Variants in CYP2J2 observed in about 807,000 individuals in gnomAD.
CYP2J2 encodes the protein cytochrome P450 family 2 subfamily J member 2, also known as cytochrome P450 2J2.
A neutral mutation model predicts 48.8 loss-of-function variants in CYP2J2; 41 were observed. That is an observed-to-expected ratio of 0.84 (90% confidence interval 0.66 to 1.09). The LOEUF (loss-of-function observed/expected upper bound fraction) is 1.09. Among genes scored for constraint, CYP2J2 ranks in the 50% least tolerant of loss-of-function variants. The pLI, the probability that CYP2J2 is intolerant of heterozygous loss-of-function variation, is 0.00. For missense variants in CYP2J2, 644 were observed against 617.3 expected, an observed-to-expected ratio of 1.04 and a Z score of -0.46; for synonymous variants, 221 against 227.1, an observed-to-expected ratio of 0.97 and a Z score of 0.24.
At chr1:59,968,242 A>G in the CYP2J2 span, among the ~76,000 whole-genome samples, 1 of 152,168 alleles carries the variant, frequency 6.6e-6, no homozygotes, top group Non-Finnish European at 1.5e-5. Context: ...ACAAGAGATG[A>G]GATTATTTGA....
the CYP2J2 span, among the ~76,000 whole-genome samples, chr1:59,951,597 A>G: frequency 6.6e-6 from 1 of 152,188 alleles, no homozygotes. Flanking sequence ...AGACCAGTAC[A>G]TAGTAGTAAT....
the CYP2J2 span, among the ~76,000 whole-genome samples, chr1:59,944,191 A>G: frequency 3.3e-5 from 5 of 152,174 alleles, no homozygotes; most frequent in African/African-American, 7.2e-5. Context: ...CTAAAGTTAT[A>G]AACAATGCTT....
At chr1:59,903,398 G>T (rs969622970) in intron 7 of CYP2J2, among the ~76,000 whole-genome samples, 1 of 152,182 alleles carries the variant, frequency 6.6e-6, no homozygotes, top group Non-Finnish European at 1.5e-5. Context: ...CGAATGGAGT[G>T]ACATCAGAAT....
chr1:59,919,145 C>A (rs1349485450), intron 1 of CYP2J2, among the ~76,000 whole-genome samples: 1 of 152,054 alleles, frequency 6.6e-6, no homozygotes, highest in Non-Finnish European at 1.5e-5. Flanking sequence ...GTGTGTGTGA[C>A]AGCGAGAGAG....
chr1:59,915,532 C>T (rs1254194816), intron 2 of CYP2J2, among the ~76,000 whole-genome samples: 1 of 152,086 alleles, frequency 6.6e-6, no homozygotes, highest in Admixed American at 6.6e-5. Context: ...GTGACACAAC[C>T]TTAATGAAAG....
intron 3 of CYP2J2, 144 bp from the exon 4 acceptor site, chr1:59,911,912 A>AATACTTGTTGTATGT: frequency 1.1e-6 from 1 of 906,958 alleles, no homozygotes; most frequent in Non-Finnish European, 1.7e-6. Flanking sequence ...ACTGCATCTG[A>AATACTTGTTGTATGT]CATACAACAA....
Position 59,898,218 on chromosome 1 carries a change from A to T in CYP2J2, c.1330+2747T>A, listed in dbSNP as rs1254693390. On this transcript the variant is annotated intron_variant, in intron 8 of 8. Transcript: ENST00000371204. The stretch of plus-strand genomic sequence containing the variant: ...CTCCCCTTAAACTGGGGCTGGCCTT[A>T]TGATTGGTGTTGGAAAACATAATGC... Among the ~76,000 whole-genome samples the T allele has an allele frequency of 4.6e-5, 7 of 152,196 alleles. No individual in the cohort carries two copies. In the East Asian group the frequency reaches 1.3e-3, roughly 29 times the overall value.
intron 8 of CYP2J2, among the ~76,000 whole-genome samples, chr1:59,898,024 G>C (rs1644284681): frequency 6.6e-6 from 1 of 152,152 alleles, no homozygotes; most frequent in Admixed American, 6.5e-5. Context: ...TATCACATCT[G>C]CTTTGGGACA....
the CYP2J2 span, among the ~76,000 whole-genome samples, chr1:59,956,416 AC>A: frequency 1.3e-5 from 2 of 152,114 alleles, no homozygotes; most frequent in East Asian, 3.9e-4. Flanking sequence ...ATCTGATGAT[AC>A]CTTTGAACTT....
chr1:59,926,036 A>G (rs911878008), intron 1 of CYP2J2, among the ~76,000 whole-genome samples: 10 of 152,196 alleles, frequency 6.6e-5, no homozygotes, highest in African/African-American at 2.4e-4. Context: ...CCGTTTGGCA[A>G]AAATTTAAGC....
the CYP2J2 span, among the ~76,000 whole-genome samples, chr1:59,943,495 C>T: frequency 7.2e-4 from 109 of 152,206 alleles, no homozygotes; most frequent in African/African-American, 2.3e-3. Context: ...GAGATTAGCA[C>T]GAGTGGTCAG....
chr1:59,962,167 T>C, the CYP2J2 span, among the ~76,000 whole-genome samples: 1 of 152,302 alleles, frequency 6.6e-6, no homozygotes, highest in Non-Finnish European at 1.5e-5. Flanking sequence ...GAAGGCAGAA[T>C]GGAAACATTT....
At chr1:59,903,254 T>C (rs1644336223) in intron 7 of CYP2J2, among the ~76,000 whole-genome samples, 2 of 152,162 alleles carry the variant, frequency 1.3e-5, no homozygotes, top group African/African-American at 4.8e-5. Flanking sequence ...TCAGAGGTAC[T>C]TAGACAGACT....
At position 59,911,549 on chromosome 1, in the gene CYP2J2, C is replaced by G. The variant is rs148142771; in HGVS notation, c.684+59G>C. 3.0e-4 allele frequency: 379 copies of G among 1,271,810 alleles called. No homozygotes were observed. In the East Asian group the frequency reaches 8.3e-3, roughly 28 times the overall value. 78.8% of individuals were successfully genotyped at this position (1,271,810 alleles called of 1,614,324 possible). A position where few individuals can be genotyped will look rare whatever the true frequency, so the allele number is the denominator to read the frequency against. Reference sequence around the variant, plus strand: ...AAAAAAACTAAAAGGAAAAACCCATCTGTGGCTGACATCGGCCCCAATTTA... The same window carrying G: ...AAAAAAACTAAAAGGAAAAACCCATGTGTGGCTGACATCGGCCCCAATTTA... On this transcript the variant is annotated intron_variant, in intron 4 of 8. Transcript: ENST00000371204.
At chr1:59,896,288 G>A (rs1235559301) in intron 8 of CYP2J2, among the ~76,000 whole-genome samples, 2 of 146,942 alleles carry the variant, frequency 1.4e-5, no homozygotes, top group Non-Finnish European at 3.0e-5. Context: ...AAAAGTGTGT[G>A]TGTGTACATA....
At position 59,897,835 on chromosome 1, in the gene CYP2J2, G is replaced by T. The variant is rs75491393; in HGVS notation, c.1330+3130C>A. Among the ~76,000 whole-genome samples, 336 of 152,226 alleles carry T rather than the reference G, an allele frequency of 2.2e-3. 2 individuals carry two copies. Among genetic ancestry groups the T allele is most frequent in the East Asian group, 0.019 (99 of 5,176 alleles). ...AAGCTGTTACATCTTCTAAAGTGAG[G>T]ACTTCGGAAGAGTCCTCTAGAAGAC... On this transcript the variant is annotated intron_variant, in intron 8 of 8. Transcript: ENST00000371204.
chr1:59,917,293 T>C (rs925360234), intron 1 of CYP2J2, among the ~76,000 whole-genome samples: 2 of 152,194 alleles, frequency 1.3e-5, no homozygotes, highest in African/African-American at 2.4e-5. Context: ...TGCATTCTTA[T>C]GGTGGCAAAG....
chr1:59,925,947 T>C (rs558184342), intron 1 of CYP2J2, among the ~76,000 whole-genome samples: 5 of 152,146 alleles, frequency 3.3e-5, no homozygotes, highest in Non-Finnish European at 5.9e-5. Context: ...CGGGGAGCCC[T>C]GATAGGAGAT....
upstream of CYP2J2, among the ~76,000 whole-genome samples, chr1:59,929,989 G>A (rs998872419): frequency 2.0e-5 from 3 of 151,962 alleles, no homozygotes; most frequent in South Asian, 6.2e-4. Flanking sequence ...GAAAGACAAA[G>A]ACAAAGAGGA....
Sources: gnomAD v4.1 joint callset for allele counts (sites outside exome capture counted in the v4.1 genomes callset) on GRCh38, gnomAD v4.1.1 for gene constraint, MANE v1.5 for transcripts, NCBI Gene and HGNC (gene_info 2026-07-23, HGNC 2026-07-21) for gene names.